Variants in CCDC7 observed in about 807,000 individuals in gnomAD.
The protein encoded by CCDC7 is coiled-coil domain-containing protein 7.
Under a neutral mutation model 196.9 loss-of-function variants are expected in CCDC7, and 183 were observed. That is an observed-to-expected ratio of 0.93 (90% CI 0.82 to 1.05). The LOEUF is 1.05. Among genes scored for constraint, CCDC7 ranks in the 50% least tolerant of loss-of-function variants. The pLI is 0.00. For synonymous variants in CCDC7, 525 were observed against 484.6 expected, an observed-to-expected ratio of 1.08 and a Z score of -1.10; for missense variants, 1,540 against 1,482.2, an observed-to-expected ratio of 1.04 and a Z score of -0.64.
intron 8 of CCDC7, among the ~76,000 whole-genome samples, chr10:32,490,565 G>T (rs1480011736): frequency 1.3e-5 from 2 of 152,194 alleles, no homozygotes; most frequent in African/African-American, 4.8e-5. Context: ...GGGAGGCCCA[G>T]ACGGGCTGAT....
intron 28 of CCDC7, among the ~76,000 whole-genome samples, chr10:32,738,525 A>G (rs2133066191): frequency 7.7e-6 from 1 of 129,056 alleles, no homozygotes; most frequent in South Asian, 2.5e-4. Context: ...CCTAGTCTAG[A>G]GTGTCATGGT....
At chr10:32,474,097 T>C in intron 8 of CCDC7, 74 bp downstream of exon 9, 2 of 1,509,754 alleles carry the variant, frequency 1.3e-6, no homozygotes, top group South Asian at 1.3e-5. Context: ...GTAATAATTA[T>C]TAGGTTAACA....
chr10:32,772,820 T>C (rs951168021), intron 28 of CCDC7, among the ~76,000 whole-genome samples: 12 of 152,128 alleles, frequency 7.9e-5, no homozygotes, highest in Non-Finnish European at 1.3e-4. Context: ...CTGGTGGGGG[T>C]GTGTATGCCA....
In CCDC7 at chr10:32,685,952, T is replaced by TACATAAAG; in HGVS notation, c.2123-18_2123-17insACATAAAG. 8.1e-7 allele frequency: 1 copy of TACATAAAG among 1,230,860 alleles called. No individual in the cohort carries two copies. The highest frequency in any genetic ancestry group is 2.9e-5 in the East Asian group (1 of 34,946). 76.2% of individuals were successfully genotyped at this position (1,230,860 alleles called of 1,614,324 possible). On this transcript the variant is annotated splice_polypyrimidine_tract_variant and intron_variant, in intron 21 of 41. Coordinates refer to ENST00000639629, the Ensembl canonical transcript of CCDC7. ...CCATTTTTCTATTTAGTGGAATAAA[T>TACATAAAG]GTATTTTCTTTATGTAGCTCATAAT...
chr10:32,677,792 G>A (rs1477818838), intron 21 of CCDC7, among the ~76,000 whole-genome samples: 1 of 151,944 alleles, frequency 6.6e-6, no homozygotes, highest in East Asian at 1.9e-4. Context: ...CTTTAAATAA[G>A]CCTTCTGCCA....
At chr10:32,594,930 T>C (rs913374400) in intron 18 of CCDC7, among the ~76,000 whole-genome samples, 9 of 152,236 alleles carry the variant, frequency 5.9e-5, no homozygotes, top group Non-Finnish European at 7.3e-5. Context: ...AGCTTTTTGA[T>C]GTGCTGCTGA....
chr10:32,711,157 C>T (rs201312940), intron 24 of CCDC7, among the ~76,000 whole-genome samples: 2 of 104,548 alleles, frequency 1.9e-5, no homozygotes, highest in African/African-American at 4.9e-5. Flanking sequence ...TATACATACA[C>T]ACATATACAT....
chr10:32,506,458 C>T (rs113849752), intron 9 of CCDC7, among the ~76,000 whole-genome samples: 13 of 152,312 alleles, frequency 8.5e-5, no homozygotes, highest in South Asian at 4.2e-4. Context: ...GGGTGGCAGG[C>T]GGGCAGAAGC....
At chr10:32,850,429 G>A (rs1244518861) in intron 39 of CCDC7, among the ~76,000 whole-genome samples, 4 of 152,194 alleles carry the variant, frequency 2.6e-5, no homozygotes, top group Admixed American at 6.5e-5. Context: ...TGTATGAGCA[G>A]TTTTGAAGTC....
intron 12 of CCDC7, 146 bp downstream of exon 13, chr10:32,543,531 ACC>A: frequency 1.1e-6 from 1 of 898,154 alleles, no homozygotes; most frequent in East Asian, 3.9e-5. Flanking sequence ...TTATAAGCAT[ACC>A]AGTATATGAT....
intron 11 of CCDC7, among the ~76,000 whole-genome samples, chr10:32,521,060 C>T (rs2047803457): frequency 6.6e-6 from 1 of 152,056 alleles, no homozygotes; most frequent in Admixed American, 6.6e-5. Context: ...GGGTTCTCTT[C>T]TGTTCCATTG....
At chr10:32,515,785 C>T (rs553152671) in intron 9 of CCDC7, among the ~76,000 whole-genome samples, 34 of 152,060 alleles carry the variant, frequency 2.2e-4, no homozygotes, top group African/African-American at 8.0e-4. Flanking sequence ...CGTGATCCGC[C>T]CACCTCGCCT....
intron 18 of CCDC7, among the ~76,000 whole-genome samples, chr10:32,629,569 G>T (rs2064542521): frequency 6.6e-6 from 1 of 152,054 alleles, no homozygotes; most frequent in South Asian, 2.1e-4. Context: ...AATGTGCGAG[G>T]GTGCTCACTA....
chr10:32,674,651 T>C (rs975667711), intron 21 of CCDC7, among the ~76,000 whole-genome samples: 6 of 152,132 alleles, frequency 3.9e-5, no homozygotes, highest in Non-Finnish European at 8.8e-5. Context: ...TCTGTTTGGA[T>C]GATCTATCCA....
At chr10:32,756,398 C>A (rs571327868) in intron 28 of CCDC7, among the ~76,000 whole-genome samples, 2 of 152,368 alleles carry the variant, frequency 1.3e-5, no homozygotes, top group Admixed American at 1.3e-4. Context: ...ATCAGACTAA[C>A]AGCGGATCTC....
At chr10:32,813,131 C>T (rs1432845959) in intron 30 of CCDC7, among the ~76,000 whole-genome samples, 1 of 152,104 alleles carries the variant, frequency 6.6e-6, no homozygotes, top group East Asian at 1.9e-4. Context: ...AACCGCTCTA[C>T]AATACAATGG....
intron 18 of CCDC7, among the ~76,000 whole-genome samples, chr10:32,584,712 C>T (rs2059073895): frequency 7.6e-6 from 1 of 132,234 alleles, no homozygotes; most frequent in Admixed American, 8.4e-5. Context: ...GAGATCACGC[C>T]ACTGCACTCC....
upstream of CCDC7, among the ~76,000 whole-genome samples, chr10:32,446,857 T>TC (rs2031251099): frequency 6.8e-6 from 1 of 146,524 alleles, no homozygotes; most frequent in Non-Finnish European, 1.5e-5. Context: ...TTTGTCAGGT[T>TC]CTTTTTTTTT....
intron 10 of CCDC7, 78 bp downstream of exon 11, chr10:32,518,053 T>A (rs2047323269): frequency 7.0e-7 from 1 of 1,435,874 alleles, no homozygotes; most frequent in Admixed American, 2.5e-5. Flanking sequence ...TCAGGATACA[T>A]AATCCTATAT....
Sources: allele counts gnomAD v4.1 joint callset (sites outside exome capture counted in the v4.1 genomes callset), GRCh38; gene constraint gnomAD v4.1.1; transcripts MANE v1.5; gene names NCBI Gene and HGNC (gene_info 2026-07-23, HGNC 2026-07-21).